The following DDX4 variants were observed in gnomAD, a reference collection of about 807,000 sequenced individuals.
DDX4 encodes the protein probable ATP-dependent RNA helicase DDX4.
In DDX4, 25 loss-of-function variants were observed where a neutral mutation model predicts 100.0. The ratio of observed to expected loss-of-function variants is 0.25; its 90% CI spans 0.18 to 0.35. The LOEUF is 0.35. Among genes scored for constraint, DDX4 ranks in the 10% least tolerant of loss-of-function variants. The pLI is 1.00. For synonymous variants in DDX4, 259 were observed against 275.7 expected (o/e 0.94, Z 0.60); for missense variants, 635 against 882.4 (o/e 0.72, Z 3.55).
intron 17 of DDX4, among the ~76,000 whole-genome samples, chr5:55,796,005 CAAGTCCCA>C (rs1742908382): frequency 6.6e-6 from 1 of 152,144 alleles, no homozygotes; most frequent in African/African-American, 2.4e-5. Context: ...GCTGCTGGTG[CAAGTCCCA>C]GAGTCCAAAG....
intron 6 of DDX4, among the ~76,000 whole-genome samples, chr5:55,764,283 G>C (rs535083317): frequency 6.6e-6 from 1 of 152,236 alleles, no homozygotes; most frequent in South Asian, 2.1e-4. Context: ...CTTAATCCAT[G>C]AGGTACAACT....
chr5:55,755,289 T>G (rs1157300962), intron 3 of DDX4, among the ~76,000 whole-genome samples: 1 of 152,180 alleles, frequency 6.6e-6, no homozygotes, highest in Non-Finnish European at 1.5e-5. Flanking sequence ...ATGTTTGCAT[T>G]AGGCTACTAA....
intron 10 of DDX4, among the ~76,000 whole-genome samples, chr5:55,783,358 A>G (rs1346694301): frequency 6.6e-6 from 1 of 152,004 alleles, no homozygotes; most frequent in Non-Finnish European, 1.5e-5. Flanking sequence ...ACCTGTGGAC[A>G]TACAAGATAA....
At chr5:55,814,732 C>T (rs1274472361) in intron 19 of DDX4, among the ~76,000 whole-genome samples, 169 bp from the exon 20 acceptor site, 1 of 152,182 alleles carries the variant, frequency 6.6e-6, no homozygotes, top group Non-Finnish European at 1.5e-5. Flanking sequence ...CCTTGTGATC[C>T]ACCTGCTTCA....
At chr5:55,772,557 A>G (rs575916193) in intron 7 of DDX4, among the ~76,000 whole-genome samples, 1 of 152,218 alleles carries the variant, frequency 6.6e-6, no homozygotes, top group South Asian at 2.1e-4. Context: ...TGTCCTTCTC[A>G]TGTTGAAATT....
intron 7 of DDX4, among the ~76,000 whole-genome samples, chr5:55,772,652 T>C (rs1315582069): frequency 6.6e-6 from 1 of 152,104 alleles, no homozygotes; most frequent in Admixed American, 6.6e-5. Flanking sequence ...CCTGTTTCCT[T>C]GTGGGGCTGT....
chr5:55,784,614 G>C (rs1742133537), intron 10 of DDX4, among the ~76,000 whole-genome samples: 2 of 152,176 alleles, frequency 1.3e-5, no homozygotes, highest in Non-Finnish European at 2.9e-5. Context: ...TAAACCATTT[G>C]TGCATTGTGG....
At chr5:55,776,659 T>C (rs1374932784) in intron 7 of DDX4, among the ~76,000 whole-genome samples, 1 of 152,160 alleles carries the variant, frequency 6.6e-6, no homozygotes, top group Non-Finnish European at 1.5e-5. Context: ...TGAATCCAAA[T>C]AACTATATTC....
chr5:55,751,939 C>G (rs998814232), intron 3 of DDX4, among the ~76,000 whole-genome samples: 14 of 152,128 alleles, frequency 9.2e-5, no homozygotes, highest in African/African-American at 3.1e-4. Context: ...CTGAACTCAT[C>G]CTTTTTGAAT....
chr5:55,738,240 C>G (rs1758796701), intron 1 of DDX4, 139 bp downstream of exon 1: 2 of 152,294 alleles, frequency 1.3e-5, no homozygotes, highest in Admixed American at 1.3e-4. Context: ...CTCGGGGTCT[C>G]AGAGTCCCAC....
At chr5:55,808,147 A>C (rs1343978150) in intron 18 of DDX4, among the ~76,000 whole-genome samples, 5 of 151,902 alleles carry the variant, frequency 3.3e-5, no homozygotes, top group Admixed American at 3.3e-4. Context: ...TGTAGTTCTC[A>C]TGCCTTGGTT....
Position 55,785,891 on chromosome 5 carries a change from C to G in DDX4, c.864+20C>G, listed in dbSNP as rs746431906. 6.4e-7 allele frequency: 1 copy of G among 1,566,672 alleles called. No homozygotes were observed. Among genetic ancestry groups the G allele is most frequent in the African/African-American group, 1.4e-5 (1 of 74,026 alleles). On this transcript the variant is annotated intron_variant, in intron 13 of 21. Coordinates refer to ENST00000505374, the MANE Select transcript of DDX4 (RefSeq NM_024415.3). ...ATTCTGGTCAGTGTATTAATTGTTT[C>G]TGTATTAGCTATGTAGCACACTTTG...
chr5:55,791,655 T>G (rs1474427987), intron 16 of DDX4, among the ~76,000 whole-genome samples: 1 of 152,182 alleles, frequency 6.6e-6, no homozygotes, highest in East Asian at 1.9e-4. Flanking sequence ...GAGTCTAACT[T>G]TATCAAATAC....
intron 3 of DDX4, among the ~76,000 whole-genome samples, chr5:55,747,824 C>T (rs1214752091): frequency 1.3e-5 from 2 of 152,162 alleles, no homozygotes; most frequent in Admixed American, 1.3e-4. Context: ...AATCGAGTTA[C>T]TACTATTTTT....
intron 7 of DDX4, among the ~76,000 whole-genome samples, chr5:55,776,823 G>GA (rs896459534): frequency 2.0e-5 from 3 of 151,234 alleles, no homozygotes; most frequent in Non-Finnish European, 3.0e-5. Context: ...AATGAGGAGC[G>GA]AAAAAAAAGA....
chr5:55,763,368 C>A, intron 5 of DDX4, 116 bp downstream of exon 5: 1 of 708,792 alleles, frequency 1.4e-6, no homozygotes, highest in South Asian at 1.7e-5. Context: ...GGTATATATT[C>A]TGTGAGTGCC....
At chr5:55,786,098 A>T (rs901933655) in intron 13 of DDX4, among the ~76,000 whole-genome samples, 7 of 152,210 alleles carry the variant, frequency 4.6e-5, no homozygotes, top group African/African-American at 1.7e-4. Context: ...TGAGAATTTT[A>T]TTTAAACTTA....
intron 4 of DDX4, among the ~76,000 whole-genome samples, chr5:55,760,931 G>C (rs1312062598): frequency 6.6e-6 from 1 of 152,024 alleles, no homozygotes; most frequent in Non-Finnish European, 1.5e-5. Context: ...ATCTTTTAGG[G>C]GATGCCATAG....
intron 2 of DDX4, among the ~76,000 whole-genome samples, chr5:55,740,667 C>T (rs376921323): frequency 8.1e-5 from 10 of 123,390 alleles, no homozygotes; most frequent in African/African-American, 1.6e-4. Flanking sequence ...CACCACGCCC[C>T]GCTAATTTTT....
Sources: allele counts gnomAD v4.1 joint callset (sites outside exome capture counted in the v4.1 genomes callset), GRCh38; gene constraint gnomAD v4.1.1; transcripts MANE v1.5; gene names NCBI Gene and HGNC (gene_info 2026-07-23, HGNC 2026-07-21).